MLF2: variants seen among roughly 807,000 people sequenced by gnomAD.
MLF2 encodes the protein myeloid leukemia factor 2.
In MLF2, 12 loss-of-function variants were observed where a neutral mutation model predicts 31.4. That is an observed-to-expected ratio of 0.38 (90% CI 0.24 to 0.62). The LOEUF is 0.62. Among genes scored for constraint, MLF2 ranks in the 20% least tolerant of loss-of-function variants. The pLI is 0.58. For missense variants in MLF2, 272 were observed against 359.7 expected, an observed-to-expected ratio of 0.76 and a Z score of 1.97; for synonymous variants, 109 against 118.8, an observed-to-expected ratio of 0.92 and a Z score of 0.54.
At position 6,749,776 on chromosome 12, in the gene MLF2, G is replaced by A. The variant is rs1351009560; in HGVS notation, c.559+72C>T. The A allele has an allele frequency of 3.8e-6, 6 of 1,563,256 alleles. No homozygotes were observed. Among genetic ancestry groups the A allele is most frequent in the South Asian group, 1.1e-5 (1 of 88,702 alleles). On this transcript the variant is annotated intron_variant, in intron 7 of 8. Coordinates refer to ENST00000203630, the MANE Select transcript of MLF2 (RefSeq NM_001382226.1). The surrounding 1 kb of genome is among the most constrained non-coding windows in gnomAD (Gnocchi z 5.3). Reference sequence around the variant, plus strand: ...TGACCCAGAGCTTTGCCCCAGAAGTGTCTATGTGTTAGGGATGTCCACGGG... The same window carrying A: ...TGACCCAGAGCTTTGCCCCAGAAGTATCTATGTGTTAGGGATGTCCACGGG...
Position 6,750,080 on chromosome 12 carries a change from A to G in MLF2, c.400-73T>C. The G allele has an allele frequency of 3.1e-6, 5 of 1,611,550 alleles. No individual in the cohort carries two copies. The highest frequency in any genetic ancestry group is 2.2e-5 in the South Asian group (2 of 90,960). On this transcript the variant is annotated intron_variant, in intron 6 of 8. Transcript: ENST00000203630. This position sits in a 1 kb window ranked among gnomAD's most constrained non-coding sequence, Gnocchi z 5.3. Reference sequence around the variant, plus strand: ...CTGCCTATACCATCTCAGGATAAACACACCACACACAACCCAATCCGGAAA... The same window carrying G: ...CTGCCTATACCATCTCAGGATAAACGCACCACACACAACCCAATCCGGAAA...
intron 4 of MLF2, chr12:6,751,221 C>CTTT (rs58891397): frequency 6.2e-5 from 12 of 192,630 alleles, no homozygotes; most frequent in East Asian, 2.9e-4. Flanking sequence ...AACATCTTTT[C>CTTT]TTTTTTTTTT....
rs1463062310 is a variant in MLF2 at position 6,752,730 on chromosome 12, C to T, written c.-29+209G>A. 3.2e-5 allele frequency: 6 copies of T among 186,328 alleles called. No homozygotes were observed. Among genetic ancestry groups the T allele is most frequent in the Non-Finnish European group, 6.8e-5 (6 of 88,834 alleles). The allele number at this position is 186,328 out of a possible 1,614,324, so 11.5% of individuals were successfully genotyped here. A position where few individuals can be genotyped will look rare whatever the true frequency, so the allele number is the denominator to read the frequency against. ...CCATTAATGACCCCAGTCACCCCGC[C>T]CCCTCCTTACACTCAGGCCTCCCCC... On this transcript the variant is annotated intron_variant, in intron 1 of 8. Coordinates refer to ENST00000203630, the MANE Select transcript of MLF2 (RefSeq NM_001382226.1). The surrounding 1 kb of genome is among the most constrained non-coding windows in gnomAD (Gnocchi z 4.6).
At position 6,749,777 on chromosome 12, in the gene MLF2, T is replaced by C. The variant is rs573102076; in HGVS notation, c.559+71A>G. On this transcript the variant is annotated intron_variant, in intron 7 of 8. Transcript: ENST00000203630. The surrounding 1 kb of genome is among the most constrained non-coding windows in gnomAD (Gnocchi z 5.3). ...GACCCAGAGCTTTGCCCCAGAAGTG[T>C]CTATGTGTTAGGGATGTCCACGGGA... 1.2e-5 allele frequency: 19 copies of C among 1,574,242 alleles called. No individual in the cohort carries two copies. The highest frequency in any genetic ancestry group is 1.7e-5 in the Non-Finnish European group (19 of 1,151,456).
rs938532697 is a variant in MLF2 at position 6,753,122 on chromosome 12, G to C, written c.-212C>G. 1.5e-5 allele frequency: 6 copies of C among 394,030 alleles called. No homozygotes were observed. The highest frequency in any genetic ancestry group is 2.2e-5 in the Non-Finnish European group (5 of 223,744). 24.4% of individuals were successfully genotyped at this position (394,030 alleles called of 1,614,324 possible). A position where few individuals can be genotyped will look rare whatever the true frequency, so the allele number is the denominator to read the frequency against. The stretch of plus-strand genomic sequence containing the variant: ...CCTCGGCCAACGGAGCCCGAACCTC[G>C]GCCAGGCCCGGGCGGAAGTGACGTC... On this transcript the variant is annotated 5_prime_UTR_variant, in exon 1 of 9. Transcript: ENST00000203630.
rs1941562290 is a variant in MLF2, at chr12:6,748,718, A to G, written c.*25+52T>C. ...GGAGCCTGAACTGAGCCTGCCTTGC[A>G]GCCGAGGACCGTCCGCAGGTGCACC... is the stretch of plus-strand genomic sequence containing the variant. On this transcript the variant is annotated intron_variant, in intron 8 of 8. Transcript: ENST00000203630. The surrounding 1 kb of genome is among the most constrained non-coding windows in gnomAD (Gnocchi z 4.6). The G allele has an allele frequency of 7.3e-7, 1 of 1,360,878 alleles. No homozygotes were observed. The highest frequency in any genetic ancestry group is 2.9e-5 in the Admixed American group (1 of 33,976). The allele number at this position is 1,360,878 out of a possible 1,614,324, so 84.3% of individuals were successfully genotyped here.
chr12:6,750,957 C>T lies in MLF2; in HGVS notation c.217-191G>A, dbSNP rs1941604659. 3.4e-6 allele frequency: 2 copies of T among 590,886 alleles called. No individual in the cohort carries two copies. The highest frequency in any genetic ancestry group is 1.9e-5 in the South Asian group (1 of 52,168). The allele number at this position is 590,886 out of a possible 1,614,324, so 36.6% of individuals were successfully genotyped here. On this transcript the variant is annotated intron_variant, in intron 4 of 8. Coordinates refer to ENST00000203630, the MANE Select transcript of MLF2 (RefSeq NM_001382226.1). This position sits in a 1 kb window ranked among gnomAD's most constrained non-coding sequence, Gnocchi z 5.3. ...ATTTCTCCTCCTGTGAACTGCTGAC[C>T]CCTTCCTCAGTCTCTGTGACTGCTG...
At chr12:6,751,612 T>C (rs1347735181) in intron 4 of MLF2, 29 bp downstream of exon 4, 1 of 1,608,044 alleles carries the variant, frequency 6.2e-7, no homozygotes, top group Non-Finnish European at 8.5e-7. Context: ...GTGTCTGAGA[T>C]GGAAGGACAC....
intron 3 of MLF2, 101 bp from the exon 4 acceptor site, chr12:6,751,777 G>A: frequency 6.4e-7 from 1 of 1,565,680 alleles, no homozygotes; most frequent in Non-Finnish European, 8.8e-7. Context: ...CCTCTCAAAA[G>A]GGAGTCACAA....
Position 6,752,269 on chromosome 12 carries a change from G to A in MLF2, c.50+16C>T, listed in dbSNP as rs76550498. On this transcript the variant is annotated intron_variant, in intron 2 of 8. Transcript: ENST00000203630. This position sits in a 1 kb window ranked among gnomAD's most constrained non-coding sequence, Gnocchi z 4.6. Reference sequence around the variant, plus strand: ...AGACCTGGAGTGGGAGAGCTTGAGGGGGAGGGAATACTCACATCAGGAACA... The same window carrying A: ...AGACCTGGAGTGGGAGAGCTTGAGGAGGAGGGAATACTCACATCAGGAACA... 1.4e-3 allele frequency: 2,148 copies of A among 1,559,390 alleles called. 35 individuals carry two copies. In the African/African-American group the frequency reaches 0.025, roughly 18 times the overall value.
At position 6,748,123 on chromosome 12, in the gene MLF2, G is replaced by A. The variant is rs1050629; in HGVS notation, c.*450C>T. The A allele has an allele frequency of 0.047, 7,128 of 152,178 alleles. 208 individuals carry two copies. Among genetic ancestry groups the A allele is most frequent in the African/African-American group, 0.087 (3,602 of 41,498 alleles). The allele number at this position is 152,178 out of a possible 1,614,324, so 9.4% of individuals were successfully genotyped here. On this transcript the variant is annotated 3_prime_UTR_variant, in exon 9 of 9. Coordinates refer to ENST00000203630, the MANE Select transcript of MLF2 (RefSeq NM_001382226.1). This position sits in a 1 kb window ranked among gnomAD's most constrained non-coding sequence, Gnocchi z 4.6. ...GTGGGCAGGAGGAGGGAGAGAGTTA[G>A]GAACCAGTCTGCTCCTTCCACAGCC...
At position 6,749,685 on chromosome 12, in the gene MLF2, A is replaced by G; in HGVS notation, c.559+163T>C. The G allele has an allele frequency of 1.0e-6, 1 of 997,482 alleles. No individual in the cohort carries two copies. The highest frequency in any genetic ancestry group is 2.5e-5 in the East Asian group (1 of 40,228). The allele number at this position is 997,482 out of a possible 1,614,324, so 61.8% of individuals were successfully genotyped here. Reference sequence around the variant, plus strand: ...AGCTGAGATCGCGCCACTGCACTCCAGCCTGGGCACCTGGGCAACAAGAGC... The same window carrying G: ...AGCTGAGATCGCGCCACTGCACTCCGGCCTGGGCACCTGGGCAACAAGAGC... On this transcript the variant is annotated intron_variant, in intron 7 of 8. Coordinates refer to ENST00000203630, the MANE Select transcript of MLF2 (RefSeq NM_001382226.1). This position sits in a 1 kb window ranked among gnomAD's most constrained non-coding sequence, Gnocchi z 5.3.
In MLF2 at chr12:6,752,576, A is replaced by C. The variant is rs1305140072; in HGVS notation, c.-28-214T>G. 2.1e-6 allele frequency: 1 copy of C among 470,364 alleles called. No individual in the cohort carries two copies. Among genetic ancestry groups the C allele is most frequent in the Non-Finnish European group, 3.8e-6 (1 of 262,202 alleles). The allele number at this position is 470,364 out of a possible 1,614,324, so 29.1% of individuals were successfully genotyped here. A position where few individuals can be genotyped will look rare whatever the true frequency, so the allele number is the denominator to read the frequency against. On this transcript the variant is annotated intron_variant, in intron 1 of 8. Transcript: ENST00000203630. The surrounding 1 kb of genome is among the most constrained non-coding windows in gnomAD (Gnocchi z 4.6). ...ATTAGGGCCATGGAAAATTTTTCCA[A>C]CCCTCTCGGTTTTTCCCTCCCCCAC...
rs749240926 is a variant in MLF2, at chr12:6,748,976, G to A, written c.566C>T (p.Ala189Val). Residue 189 changes from alanine (A) to valine (V), a missense_variant, in exon 8 of 9, where the codon GCC (alanine) becomes GTC (valine). Coordinates refer to ENST00000203630, the MANE Select transcript of MLF2 (RefSeq NM_001382226.1). The surrounding 1 kb of genome is among the most constrained non-coding windows in gnomAD (Gnocchi z 4.6). Reference protein sequence around the residue: ...QDYINLDESEAAAFDDEWRRE... With the variant: ...QDYINLDESEVAAFDDEWRRE... ...CCGCCACTCGTCATCAAACGCTGCG[G>A]CCTCACCTGGAAAGGACAGAGCGGA... The A allele has an allele frequency of 3.6e-5, 57 of 1,594,934 alleles. No homozygotes were observed. The highest frequency in any genetic ancestry group is 4.6e-5 in the East Asian group (2 of 43,060).
chr12:6,749,984 A>T lies in MLF2; in HGVS notation c.423T>A (p.Val141=). ...GCTCCAGTCCACTGTCTGAATCCCG[A>T]ACAGTCCTCCGTGTCTCCCGGATCT... ...PGGIRETRRT[V]RDSDSGLEQM... The change falls in exon 7 of 9, where the codon GTT becomes GTA. Residue 141 remains valine (V), a synonymous_variant. Transcript: ENST00000203630. The surrounding 1 kb of genome is among the most constrained non-coding windows in gnomAD (Gnocchi z 5.3). 6.2e-7 allele frequency: 1 copy of T among 1,614,204 alleles called. No individual in the cohort carries two copies. Among genetic ancestry groups the T allele is most frequent in the East Asian group, 2.2e-5 (1 of 44,882 alleles).
rs756886042 is a variant in MLF2, at chr12:6,750,258, A to C, written c.318T>G (p.Thr106=). 1.2e-6 allele frequency: 2 copies of C among 1,614,144 alleles called. No individual in the cohort carries two copies. The highest frequency in any genetic ancestry group is 1.1e-5 in the South Asian group (1 of 91,074). ...CACCCGTATTGGAGTAGGAGATGAC[A>C]GTGGAAGATGAGAAGGTCTGGCAAT... ...GGNCQTFSSS[T]VISYSNTGDG... Residue 106 remains threonine (T), a synonymous_variant, in exon 6 of 9, where the codon ACT becomes ACG. Transcript: ENST00000203630. This position sits in a 1 kb window ranked among gnomAD's most constrained non-coding sequence, Gnocchi z 5.3.
At position 6,749,116 on chromosome 12, in the gene MLF2, T is replaced by C. The variant is rs1941571481; in HGVS notation, c.560-134A>G. The stretch of plus-strand genomic sequence containing the variant: ...GTGCAGGGATGGGTGGGGTGGCAAT[T>C]CCCTTAGCTCTTTTGGTTTCTGCAC... On this transcript the variant is annotated intron_variant, in intron 7 of 8. Transcript: ENST00000203630. This position sits in a 1 kb window ranked among gnomAD's most constrained non-coding sequence, Gnocchi z 5.3. 1 of 957,368 alleles carries C rather than the reference T, an allele frequency of 1.0e-6. No homozygotes were observed. The highest frequency in any genetic ancestry group is 3.6e-5 in the Admixed American group (1 of 27,736). The allele number at this position is 957,368 out of a possible 1,614,324, so 59.3% of individuals were successfully genotyped here. A position where few individuals can be genotyped will look rare whatever the true frequency, so the allele number is the denominator to read the frequency against.
In MLF2 at chr12:6,752,380, C is replaced by T; in HGVS notation, c.-28-18G>A. On this transcript the variant is annotated intron_variant, in intron 1 of 8. Transcript: ENST00000203630. This position sits in a 1 kb window ranked among gnomAD's most constrained non-coding sequence, Gnocchi z 4.6. ...GCTCCACACTGGAAAGATATGGAAG[C>T]TCAGATACTTGGAGGTGGCCAGGGT... The T allele has an allele frequency of 1.3e-6, 2 of 1,548,122 alleles. No homozygotes were observed. The highest frequency in any genetic ancestry group is 2.4e-5 in the South Asian group (2 of 84,024).
chr12:6,750,163 G>C lies in MLF2; in HGVS notation c.399+14C>G, dbSNP rs1373437219. On this transcript the variant is annotated intron_variant, in intron 6 of 8. Coordinates refer to ENST00000203630, the MANE Select transcript of MLF2 (RefSeq NM_001382226.1). This position sits in a 1 kb window ranked among gnomAD's most constrained non-coding sequence, Gnocchi z 5.3. ...ATCCTACCTTCTCTGGGACAGGAGG[G>C]CTCCCCAACTCACCCCGCCTGGTGC... is the stretch of plus-strand genomic sequence containing the variant. 1 of 1,614,026 alleles carries C rather than the reference G, an allele frequency of 6.2e-7. No homozygotes were observed. The highest frequency in any genetic ancestry group is 1.3e-5 in the African/African-American group (1 of 74,922).
Sources: allele counts gnomAD v4.1 joint callset, GRCh38; gene constraint gnomAD v4.1.1; non-coding constraint Gnocchi (gnomAD v3.1); transcripts MANE v1.5; gene names NCBI Gene and HGNC (gene_info 2026-07-23, HGNC 2026-07-21).